The following TRHDE variants were observed in gnomAD, a reference collection of about 807,000 sequenced individuals.
TRHDE encodes the protein thyrotropin releasing hormone degrading enzyme.
In TRHDE, 72 loss-of-function variants were observed where a neutral mutation model predicts 125.7. The observed-to-expected ratio is 0.57, with a 90% CI of 0.47 to 0.70. The LOEUF is 0.70. Among genes scored for constraint, TRHDE ranks in the 30% least tolerant of loss-of-function variants. The probability of loss-of-function intolerance (pLI) is 0.00; values close to 1 mark genes in which losing one functional copy is unlikely to be tolerated. For synonymous variants in TRHDE, 509 were observed against 509.1 expected, an observed-to-expected ratio of 1.00 and a Z score of 0.00; for missense variants, 1,110 against 1,327.1, an observed-to-expected ratio of 0.84 and a Z score of 2.54.
chr12:72,475,296 T>C (rs1460342568), intron 5 of TRHDE, among the ~76,000 whole-genome samples: 1 of 152,212 alleles, frequency 6.6e-6, no homozygotes, highest in African/African-American at 2.4e-5. Context: ...TTATTCCTGA[T>C]TTATAATTTC....
At chr12:72,253,976 T>C (rs1030560134) in intron 2 of TRHDE, 2 of 152,080 alleles carry the variant, frequency 1.3e-5, no homozygotes, top group African/African-American at 4.8e-5. Context: ...CTACTGTACA[T>C]TAAAATTGAG....
intron 5 of TRHDE, among the ~76,000 whole-genome samples, chr12:72,485,816 A>C (rs1877379029): frequency 6.6e-6 from 1 of 152,130 alleles, no homozygotes; most frequent in Non-Finnish European, 1.5e-5. Flanking sequence ...CTCCAGGCTG[A>C]GTAGGTGCCC....
At chr12:72,298,888 C>T (rs1246651232) in intron 2 of TRHDE, among the ~76,000 whole-genome samples, 2 of 152,128 alleles carry the variant, frequency 1.3e-5, no homozygotes, top group East Asian at 3.9e-4. Flanking sequence ...GCTCAGCTTT[C>T]CTGAGGATTA....
intron 2 of TRHDE, among the ~76,000 whole-genome samples, chr12:72,203,918 TC>T (rs1877613862): frequency 6.6e-6 from 1 of 152,186 alleles, no homozygotes; most frequent in Non-Finnish European, 1.5e-5. Flanking sequence ...CTTTGACCCA[TC>T]CCCGCTTTCC....
chr12:72,340,126 C>T, intron 2 of TRHDE, among the ~76,000 whole-genome samples: 1 of 152,156 alleles, frequency 6.6e-6, no homozygotes, highest in East Asian at 1.9e-4. Context: ...AACAAACTTT[C>T]TGTATGCAAC....
At chr12:72,472,996 T>C (rs943627239) in intron 4 of TRHDE, 71 bp from the exon 5 acceptor site, 13 of 1,172,168 alleles carry the variant, frequency 1.1e-5, no homozygotes, top group African/African-American at 7.6e-5. Context: ...GTTTAATACA[T>C]GTAATTTTAG....
chr12:72,599,045 G>T (rs548082011), intron 12 of TRHDE, among the ~76,000 whole-genome samples: 13 of 152,110 alleles, frequency 8.5e-5, no homozygotes, highest in Middle Eastern at 3.4e-3. Context: ...CTTCCATGTT[G>T]CTGGAAAGGA....
intron 15 of TRHDE, among the ~76,000 whole-genome samples, chr12:72,629,705 A>G (rs1873401276): frequency 6.6e-6 from 1 of 151,784 alleles, no homozygotes; most frequent in Non-Finnish European, 1.5e-5. Flanking sequence ...TGTTATACTG[A>G]CAGATTGCGT....
At chr12:72,607,805 C>CTCTG (rs1592569107) in intron 12 of TRHDE, among the ~76,000 whole-genome samples, 1 of 152,090 alleles carries the variant, frequency 6.6e-6, no homozygotes, top group Admixed American at 6.5e-5. Context: ...GGTAGAGTCC[C>CTCTG]TCTGTCTTTT....
intron 3 of TRHDE, among the ~76,000 whole-genome samples, chr12:72,391,575 G>A (rs1415577053): frequency 6.6e-6 from 1 of 152,078 alleles, no homozygotes; most frequent in East Asian, 1.9e-4. Flanking sequence ...CAGCAGCATA[G>A]AATAGGATGT....
At chr12:72,138,087 CA>C (rs1876025336) in intron 2 of TRHDE, among the ~76,000 whole-genome samples, 1 of 152,200 alleles carries the variant, frequency 6.6e-6, no homozygotes, top group South Asian at 2.1e-4. Context: ...CATTTAAAAA[CA>C]AAAACAGGCC....
chr12:72,577,422 C>G (rs1871046441), intron 12 of TRHDE, among the ~76,000 whole-genome samples: 1 of 152,150 alleles, frequency 6.6e-6, no homozygotes, highest in African/African-American at 2.4e-5. Flanking sequence ...GAGCCACAGC[C>G]TGGATCCAGG....
chr12:72,362,385 C>T (rs1374467456), intron 2 of TRHDE, among the ~76,000 whole-genome samples: 1 of 149,596 alleles, frequency 6.7e-6, no homozygotes, highest in Non-Finnish European at 1.5e-5. Flanking sequence ...CTGTTCATGT[C>T]CTTTGCCCAC....
At position 72,172,534 on chromosome 12, in the gene TRHDE, G is replaced by A. The variant is rs139573785; in HGVS notation, n.279+66782G>A. ...TGTAGGACAGAGTTATGTAATTAAT[G>A]TATTCCAGTTTAGATTCAAGGGTAT... On this transcript the variant is annotated intron_variant and non_coding_transcript_variant, in intron 2 of 4. Transcript: ENST00000548156. Among the ~76,000 whole-genome samples the A allele has an allele frequency of 3.5e-3, 537 of 152,218 alleles. 4 individuals carry two copies. Among genetic ancestry groups the A allele is most frequent in the Non-Finnish European group, 5.6e-3 (378 of 68,000 alleles).
chr12:72,400,763 C>T (rs1873008936), intron 3 of TRHDE, among the ~76,000 whole-genome samples: 1 of 152,052 alleles, frequency 6.6e-6, no homozygotes, highest in African/African-American at 2.4e-5. Context: ...AAAAGTTTGT[C>T]TTAATTAGAG....
intron 3 of TRHDE, among the ~76,000 whole-genome samples, chr12:72,458,108 C>G (rs769388589): frequency 2.0e-5 from 3 of 152,088 alleles, no homozygotes; most frequent in Non-Finnish European, 4.4e-5. Flanking sequence ...GTTTTACCCT[C>G]CCTTCAGGTG....
chr12:72,579,478 A>G (rs1379625835), intron 12 of TRHDE, among the ~76,000 whole-genome samples: 2 of 152,078 alleles, frequency 1.3e-5, no homozygotes, highest in Non-Finnish European at 2.9e-5. Context: ...ATTTCCTACT[A>G]TTCTTTCCTA....
At chr12:72,243,438 G>A (rs1258751677) in intron 2 of TRHDE, among the ~76,000 whole-genome samples, 1 of 152,064 alleles carries the variant, frequency 6.6e-6, no homozygotes, top group Non-Finnish European at 1.5e-5. Flanking sequence ...GAAAAGTGCT[G>A]CAAAGTGCAA....
intron 2 of TRHDE, chr12:72,256,815 T>C (rs1878825034): frequency 6.6e-6 from 1 of 152,194 alleles, no homozygotes; most frequent in Non-Finnish European, 1.5e-5. Flanking sequence ...GATGTGAAGA[T>C]CCTGGGCTAG....
Sources: gnomAD v4.1 joint callset for allele counts (sites outside exome capture counted in the v4.1 genomes callset) on GRCh38, gnomAD v4.1.1 for gene constraint, MANE v1.5 for transcripts, NCBI Gene and HGNC (gene_info 2026-07-23, HGNC 2026-07-21) for gene names.